The following LDB2 variants were observed in gnomAD, a reference collection of about 807,000 sequenced individuals.
LDB2 encodes the protein LIM domain binding 2.
In LDB2, 12 loss-of-function variants were observed where a neutral mutation model predicts 44.3. That is an observed-to-expected ratio of 0.27 (90% CI 0.17 to 0.44). The LOEUF (loss-of-function observed/expected upper bound fraction) is 0.44. Among genes scored for constraint, LDB2 ranks in the 20% least tolerant of loss-of-function variants. The probability of loss-of-function intolerance (pLI) is 1.00; values close to 1 mark genes in which losing one functional copy is unlikely to be tolerated. For missense variants in LDB2, 344 were observed against 473.5 expected, an observed-to-expected ratio of 0.73 and a Z score of 2.54; for synonymous variants, 164 against 174.8, an observed-to-expected ratio of 0.94 and a Z score of 0.49.
intron 1 of LDB2, among the ~76,000 whole-genome samples, chr4:16,780,345 C>G (rs1213020663): frequency 2.6e-5 from 4 of 152,126 alleles, no homozygotes; most frequent in Non-Finnish European, 4.4e-5. Context: ...GCCTTAGCCT[C>G]CCCAGTAGCT....
At chr4:16,814,106 G>A (rs976053573) in intron 1 of LDB2, among the ~76,000 whole-genome samples, 5 of 152,066 alleles carry the variant, frequency 3.3e-5, no homozygotes, top group South Asian at 2.1e-4. Context: ...TCCTGACCTC[G>A]TGATCCGCCC....
chr4:16,739,602 A>ATATATG (rs1307712193), intron 2 of LDB2, among the ~76,000 whole-genome samples: 1 of 86,796 alleles, frequency 1.2e-5, no homozygotes, highest in African/African-American at 4.7e-5. Flanking sequence ...ATATATATAT[A>ATATATG]TATATATGTA....
At chr4:16,565,375 A>G (rs1380777337) in intron 5 of LDB2, among the ~76,000 whole-genome samples, 1 of 152,198 alleles carries the variant, frequency 6.6e-6, no homozygotes, top group East Asian at 1.9e-4. Context: ...CATAATAATA[A>G]AAAGAGAAGA....
intron 1 of LDB2, among the ~76,000 whole-genome samples, chr4:16,790,893 A>G (rs112204095): frequency 1.6e-5 from 2 of 122,186 alleles, no homozygotes; most frequent in African/African-American, 5.5e-5. Context: ...TGGTATCCTG[A>G]GTAGAGACTT....
intron 1 of LDB2, among the ~76,000 whole-genome samples, chr4:16,776,593 C>T (rs984931736): frequency 3.3e-5 from 5 of 152,248 alleles, no homozygotes; most frequent in Non-Finnish European, 5.9e-5. Context: ...CTACTTTGCG[C>T]GAGACACTCT....
chr4:16,842,280 T>C (rs1017799369), intron 1 of LDB2, among the ~76,000 whole-genome samples: 10 of 152,236 alleles, frequency 6.6e-5, no homozygotes, highest in Non-Finnish European at 1.5e-4. Context: ...AAGAGGCTTG[T>C]TCAATGAAAG....
chr4:16,544,420 A>T (rs1188108414), intron 5 of LDB2, among the ~76,000 whole-genome samples: 1 of 152,082 alleles, frequency 6.6e-6, no homozygotes, highest in African/African-American at 2.4e-5. Flanking sequence ...AGGAGTTTGG[A>T]TTTCACTGTG....
intron 1 of LDB2, among the ~76,000 whole-genome samples, chr4:16,882,639 GTCT>G (rs1720491593): frequency 6.6e-6 from 1 of 152,134 alleles, no homozygotes; most frequent in Non-Finnish European, 1.5e-5. Context: ...AACGAAAAAT[GTCT>G]TGACGTATCC....
chr4:16,642,864 T>C (rs933037088), intron 2 of LDB2, among the ~76,000 whole-genome samples: 7 of 152,198 alleles, frequency 4.6e-5, no homozygotes, highest in Non-Finnish European at 8.8e-5. Context: ...AAGATCAACA[T>C]AGCATTTCAT....
intron 3 of LDB2, among the ~76,000 whole-genome samples, chr4:16,594,111 A>G (rs1313740371): frequency 6.6e-6 from 1 of 151,490 alleles, no homozygotes; most frequent in Non-Finnish European, 1.5e-5. Flanking sequence ...CCCTTACAGC[A>G]TAAGGAGTTG....
chr4:16,532,139 GT>G (rs1259141507), intron 5 of LDB2, among the ~76,000 whole-genome samples: 1 of 151,976 alleles, frequency 6.6e-6, no homozygotes, highest in African/African-American at 2.4e-5. Context: ...CTCCCTTTGA[GT>G]TTTTTTCTTT....
chr4:16,501,789 A>G lies in LDB2; in HGVS notation c.*854T>C, dbSNP rs1428460204. On this transcript the variant is annotated 3_prime_UTR_variant, in exon 8 of 8. Coordinates refer to ENST00000304523, the MANE Select transcript of LDB2 (RefSeq NM_001290.5). Reference sequence around the variant, plus strand: ...ATATCATACAAGAAATATACTATAAAAAGAAAGGATGGTCAACTCAGGTAC... The same window carrying G: ...ATATCATACAAGAAATATACTATAAGAAGAAAGGATGGTCAACTCAGGTAC... 6.6e-6 allele frequency: 1 copy of G among 152,668 alleles called. No individual in the cohort carries two copies. Among genetic ancestry groups the G allele is most frequent in the Non-Finnish European group, 1.5e-5 (1 of 68,054 alleles). The allele number at this position is 152,668 out of a possible 1,614,324, so 9.5% of individuals were successfully genotyped here.
At chr4:16,745,586 T>A (rs1764230826) in intron 2 of LDB2, among the ~76,000 whole-genome samples, 1 of 152,168 alleles carries the variant, frequency 6.6e-6, no homozygotes, top group African/African-American at 2.4e-5. Context: ...ATCTTTAGAT[T>A]CCCTGAAAAC....
intron 5 of LDB2, among the ~76,000 whole-genome samples, chr4:16,572,654 T>G (rs1164838872): frequency 6.6e-6 from 1 of 152,210 alleles, no homozygotes; most frequent in Non-Finnish European, 1.5e-5. Context: ...CAGAAATCAC[T>G]GATTTCTAGA....
At chr4:16,875,122 G>A (rs1441837673) in intron 1 of LDB2, among the ~76,000 whole-genome samples, 2 of 152,236 alleles carry the variant, frequency 1.3e-5, no homozygotes, top group Non-Finnish European at 2.9e-5. Flanking sequence ...TCACTGGACA[G>A]CAAGGCAGGC....
chr4:16,753,694 T>C (rs1765920548), intron 2 of LDB2, among the ~76,000 whole-genome samples: 1 of 152,178 alleles, frequency 6.6e-6, no homozygotes, highest in South Asian at 2.1e-4. Flanking sequence ...GCCATGAATG[T>C]GTGTGGTCTC....
intron 2 of LDB2, among the ~76,000 whole-genome samples, chr4:16,599,294 G>A (rs1496746): frequency 6.6e-6 from 1 of 152,226 alleles, no homozygotes; most frequent in East Asian, 1.9e-4. Flanking sequence ...TCATCATCTA[G>A]AGGATGTTCA....
chr4:16,588,710 A>T lies in LDB2; in HGVS notation c.531T>A (p.His177Gln). 6.2e-7 allele frequency: 1 copy of T among 1,612,394 alleles called. No homozygotes were observed. The highest frequency in any genetic ancestry group is 8.5e-7 in the Non-Finnish European group (1 of 1,179,404). ...GCAAAACAGAAATTAAATTACTTAC[A>T]TGCATGGCTAGGATGCTTCTCGGGA... is the stretch of plus-strand genomic sequence containing the variant. ...ELVPRSILAM[H>Q]AQDPQVLDQL... Residue 177 changes from histidine to glutamine, a missense_variant and splice_region_variant, in exon 4 of 8, where the codon CAT becomes CAA. Physicochemically the swap from His to Gln is conservative, Grantham distance 24. This residue lies in a region of LDB2 where 226 missense variants were observed against 270.1 expected (regional missense o/e 0.84). Coordinates refer to ENST00000304523, the MANE Select transcript of LDB2 (RefSeq NM_001290.5).
At chr4:16,776,410 A>C (rs2109399791) in intron 1 of LDB2, among the ~76,000 whole-genome samples, 1 of 152,326 alleles carries the variant, frequency 6.6e-6, no homozygotes, top group South Asian at 2.1e-4. Flanking sequence ...ACAACATCAC[A>C]ACCAAAGGAT....
Sources: allele counts gnomAD v4.1 joint callset (sites outside exome capture counted in the v4.1 genomes callset), GRCh38; gene constraint gnomAD v4.1.1; regional missense constraint gnomAD v4.1.1; transcripts MANE v1.5; gene names NCBI Gene and HGNC (gene_info 2026-07-23, HGNC 2026-07-21).